Variants in DNAH14 observed in about 807,000 individuals in gnomAD.
DNAH14 encodes the protein axonemal beta dynein heavy chain 14.
In DNAH14, 478 loss-of-function variants were observed where a neutral mutation model predicts 520.9. The observed-to-expected ratio is 0.92, with a 90% CI of 0.85 to 0.99. DNAH14 has a LOEUF of 0.99. Ranked by LOEUF, DNAH14 falls within the 50% of genes least tolerant of loss-of-function variation. DNAH14 has a pLI of 0.00. For missense variants in DNAH14, 4,831 were observed against 5,234.5 expected (o/e 0.92, Z 2.38); for synonymous variants, 1,581 against 1,757.2 (o/e 0.90, Z 2.51).
chr1:225,079,211 T>C lies in DNAH14; in HGVS notation c.2429T>C (p.Val810Ala), dbSNP rs1000813726. The C allele has an allele frequency of 6.5e-7, 1 of 1,539,076 alleles. No homozygotes were observed. The highest frequency in any genetic ancestry group is 8.7e-7 in the Non-Finnish European group (1 of 1,144,458). The change falls in exon 18 of 86, where the codon GTG becomes GCG. Residue 810 changes from valine to alanine, a missense_variant. Coordinates refer to ENST00000682510, the MANE Select transcript of DNAH14 (RefSeq NM_001367479.1). ...EKKNKNLLEV[V>A]ESSLQQLECD... ...TAATTGACATGTTGATTTCAGGTTG[T>C]GGAATCATCATTGCAGCAGCTGGAA...
rs7525497 is a variant in DNAH14, at chr1:225,082,773, G to T, written c.3327+34G>T. ...AAATGGTTTTTTAAAAAAATAGGTT[G>T]AAATACCAGATGGGCCAATTTTAAA... On this transcript the variant is annotated intron_variant, in intron 20 of 85. Coordinates refer to ENST00000682510, the MANE Select transcript of DNAH14 (RefSeq NM_001367479.1). The T allele has an allele frequency of 0.014, 20,941 of 1,515,648 alleles. 2,102 individuals are homozygous for T. In the African/African-American group the frequency reaches 0.24, roughly 17 times the overall value. The allele number at this position is 1,515,648 out of a possible 1,614,324, so 93.9% of individuals were successfully genotyped here.
chr1:225,207,322 AT>A, intron 41 of DNAH14, 102 bp downstream of exon 41: 2 of 1,263,256 alleles, frequency 1.6e-6, no homozygotes, highest in Non-Finnish European at 1.0e-6. Context: ...AAGAGCAGGC[AT>A]TTTTAGTCTA....
At chr1:225,134,945 G>A (rs780645969) in intron 27 of DNAH14, among the ~76,000 whole-genome samples, 1 of 152,024 alleles carries the variant, frequency 6.6e-6, no homozygotes, top group Non-Finnish European at 1.5e-5. Flanking sequence ...TCCTGGTTCA[G>A]TCTTGGGACG....
chr1:225,376,068 T>A (rs2406109), intron 78 of DNAH14, among the ~76,000 whole-genome samples: 89,984 of 151,810 alleles, frequency 0.59, 27,969 homozygotes, highest in East Asian at 0.76. Flanking sequence ...ATCCTGGGCA[T>A]CAGAGCAAGA....
intron 37 of DNAH14, among the ~76,000 whole-genome samples, chr1:225,191,413 T>C (rs564802249): frequency 6.6e-6 from 1 of 152,070 alleles, no homozygotes; most frequent in Admixed American, 6.6e-5. Flanking sequence ...CCTTCTGGCC[T>C]TTGTGCTTTC....
chr1:224,938,269 G>A (rs1296094537), intron 1 of DNAH14, among the ~76,000 whole-genome samples: 1 of 152,114 alleles, frequency 6.6e-6, no homozygotes, highest in Non-Finnish European at 1.5e-5. Context: ...TCTACAGAAA[G>A]GGAGAACGTA....
intron 73 of DNAH14, 94 bp from the exon 74 acceptor site, chr1:225,358,402 A>C (rs2150528734): frequency 8.6e-7 from 1 of 1,161,370 alleles, no homozygotes; most frequent in Non-Finnish European, 1.2e-6. Context: ...AAGCTAAAAA[A>C]TGAATACTTC....
Position 225,081,377 on chromosome 1 carries a change from A to G in DNAH14, c.3136+629A>G, listed in dbSNP as rs558362567. Among the ~76,000 whole-genome samples the G allele has an allele frequency of 3.3e-5, 5 of 152,346 alleles. No homozygotes were observed. In the South Asian group the frequency reaches 1.0e-3, roughly 32 times the overall value. On this transcript the variant is annotated intron_variant, in intron 19 of 85. Coordinates refer to ENST00000682510, the MANE Select transcript of DNAH14 (RefSeq NM_001367479.1). ...CTTGTTTTAAAATTATTTAAGAAAT[A>G]TAACAGTAGCACAAAAGTTTAGAAA...
In DNAH14 at chr1:225,270,746, T is replaced by G; in HGVS notation, c.7551T>G (p.Asp2517Glu). Residue 2517 changes from aspartate to glutamate, a missense_variant, in exon 50 of 86, where the codon GAT becomes GAG. By Grantham distance (45) the Asp-to-Glu change is conservative. Coordinates refer to ENST00000682510, the MANE Select transcript of DNAH14 (RefSeq NM_001367479.1). ...TEKNTWKNIQ[D>E]LSIVAACVPV... ...TATCCTTATCACAGAATATTCAAGATCTGTCTATAGTTGCAGCTTGTGTTC... is the reference window on the plus strand; with the variant it reads ...TATCCTTATCACAGAATATTCAAGAGCTGTCTATAGTTGCAGCTTGTGTTC... 6.4e-7 allele frequency: 1 copy of G among 1,550,936 alleles called. No individual in the cohort carries two copies. The highest frequency in any genetic ancestry group is 2.0e-5 in the Admixed American group (1 of 50,992).
At chr1:225,213,490 C>T (rs146567328) in intron 41 of DNAH14, among the ~76,000 whole-genome samples, 1,625 of 152,258 alleles carry the variant, frequency 0.011, 33 homozygotes, top group African/African-American at 0.034. Flanking sequence ...CTATAAATTA[C>T]CTTGGGCAGT....
chr1:225,080,702 G>C lies in DNAH14; in HGVS notation c.3090G>C (p.Gln1030His), dbSNP rs1443858718. Residue 1030 changes from glutamine to histidine, a missense_variant, in exon 19 of 86, where the codon CAG becomes CAC. Coordinates refer to ENST00000682510, the MANE Select transcript of DNAH14 (RefSeq NM_001367479.1). ...SLQSIDVESVQRNVSKLMHII... is the reference protein window; with the variant it reads ...SLQSIDVESVHRNVSKLMHII... ...AAAGTATTGATGTAGAATCAGTACA[G>C]AGAAATGTTTCAAAACTGATGCACA... 6.5e-7 allele frequency: 1 copy of C among 1,539,386 alleles called. No individual in the cohort carries two copies. The highest frequency in any genetic ancestry group is 2.1e-5 in the Admixed American group (1 of 48,234).
At chr1:225,218,913 T>G (rs962097950) in intron 41 of DNAH14, among the ~76,000 whole-genome samples, 7 of 152,124 alleles carry the variant, frequency 4.6e-5, no homozygotes, top group African/African-American at 1.4e-4. Flanking sequence ...TTTGAAGTAA[T>G]GCACTCCTCA....
At chr1:224,961,145 A>G (rs749066405) in intron 4 of DNAH14, 15 of 152,070 alleles carry the variant, frequency 9.9e-5, no homozygotes, top group African/African-American at 2.4e-4. Context: ...TATGATTCCA[A>G]TCACAAAGAA....
At chr1:225,289,520 A>G (rs182181424) in intron 54 of DNAH14, among the ~76,000 whole-genome samples, 47 of 152,284 alleles carry the variant, frequency 3.1e-4, no homozygotes, top group Non-Finnish European at 1.5e-5. Flanking sequence ...CTATTGCTCA[A>G]AATAAAAAGG....
At chr1:224,992,492 G>C (rs2449287) in intron 8 of DNAH14, among the ~76,000 whole-genome samples, 1 of 151,800 alleles carries the variant, frequency 6.6e-6, no homozygotes, top group African/African-American at 2.4e-5. Flanking sequence ...TTTAAATGCA[G>C]TTGTTCCCTT....
chr1:225,106,103 C>T (rs2076024021), intron 23 of DNAH14, among the ~76,000 whole-genome samples: 1 of 148,576 alleles, frequency 6.7e-6, no homozygotes, highest in South Asian at 2.1e-4. Context: ...TCAGCATTTG[C>T]TTGTCTGTAA....
chr1:224,972,953 GA>G (rs1313576657), intron 7 of DNAH14, among the ~76,000 whole-genome samples: 1 of 152,146 alleles, frequency 6.6e-6, no homozygotes, highest in East Asian at 1.9e-4. Context: ...TAGTTTTTGT[GA>G]CCTGGTGCAG....
intron 44 of DNAH14, among the ~76,000 whole-genome samples, chr1:225,254,212 C>A (rs1348709554): frequency 5.3e-5 from 8 of 151,746 alleles, no homozygotes; most frequent in Non-Finnish European, 7.4e-5. Flanking sequence ...GACATATAGA[C>A]CATGGGCTGT....
chr1:225,003,292 A>G (rs56302122), intron 9 of DNAH14, among the ~76,000 whole-genome samples: 7,992 of 152,076 alleles, frequency 0.053, 616 homozygotes, highest in African/African-American at 0.17. Context: ...TTTTGGTTAA[A>G]TTTATGAATT....
Sources: gnomAD v4.1 joint callset for allele counts (sites outside exome capture counted in the v4.1 genomes callset) on GRCh38, gnomAD v4.1.1 for gene constraint, MANE v1.5 for transcripts, NCBI Gene and HGNC (gene_info 2026-07-23, HGNC 2026-07-21) for gene names.